Variants in LIPI observed in about 807,000 individuals in gnomAD.
The protein encoded by LIPI is lipase member I.
In LIPI, 59 loss-of-function variants were observed where a neutral mutation model predicts 50.6. The ratio of observed to expected loss-of-function variants is 1.16; its 90% CI spans 0.94 to 1.45. LIPI has a LOEUF of 1.45. Among genes scored for constraint, LIPI ranks in the 40% most tolerant of loss-of-function variants. LIPI has a pLI of 0.00. For missense variants in LIPI, 586 were observed against 536.3 expected, an observed-to-expected ratio of 1.09 and a Z score of -0.92; for synonymous variants, 203 against 178.2, an observed-to-expected ratio of 1.14 and a Z score of -1.11.
intron 9 of LIPI, 122 bp downstream of exon 9, chr21:14,144,500 AT>A: frequency 1.9e-6 from 1 of 534,494 alleles, no homozygotes; most frequent in Middle Eastern, 5.1e-4. Flanking sequence ...TTTATGTAAA[AT>A]ATAGTCTGAA....
At chr21:14,139,622 A>T (rs12483666) in intron 9 of LIPI, among the ~76,000 whole-genome samples, 49,637 of 151,998 alleles carry the variant, frequency 0.33, 8,215 homozygotes, top group East Asian at 0.42. Flanking sequence ...AGCAAACATA[A>T]GTACAGAGGA....
intron 9 of LIPI, among the ~76,000 whole-genome samples, chr21:14,119,580 GA>G (rs2016786594): frequency 6.6e-6 from 1 of 152,206 alleles, no homozygotes; most frequent in African/African-American, 2.4e-5. Flanking sequence ...ATGAGGCGAT[GA>G]AAGGGCAGGG....
chr21:14,120,642 A>T (rs899528303), intron 9 of LIPI, among the ~76,000 whole-genome samples: 1 of 152,202 alleles, frequency 6.6e-6, no homozygotes, highest in African/African-American at 2.4e-5. Flanking sequence ...GACTTATGTT[A>T]TGCCCTCATT....
chr21:14,179,156 A>G (rs531765165), intron 4 of LIPI, among the ~76,000 whole-genome samples: 21 of 152,098 alleles, frequency 1.4e-4, no homozygotes, highest in Non-Finnish European at 3.1e-4. Flanking sequence ...GCAAAAATGT[A>G]TGCCCTAATT....
intron 9 of LIPI, among the ~76,000 whole-genome samples, chr21:14,126,625 AT>A (rs1406635595): frequency 1.1e-4 from 17 of 152,274 alleles, no homozygotes; most frequent in Non-Finnish European, 2.1e-4. Context: ...TTTATATATC[AT>A]TTATATTGTA....
intron 9 of LIPI, among the ~76,000 whole-genome samples, chr21:14,140,032 G>A (rs1325004935): frequency 6.6e-6 from 1 of 152,096 alleles, no homozygotes; most frequent in African/African-American, 2.4e-5. Context: ...GAAGTGTGAA[G>A]GCAAGACTTT....
Position 14,156,116 on chromosome 21 carries a change from G to T in LIPI, c.1007-3432C>A, listed in dbSNP as rs1017176194. Among the ~76,000 whole-genome samples, 4 of 152,082 alleles carry T rather than the reference G, an allele frequency of 2.6e-5. No homozygotes were observed. The East Asian group carries it at 7.7e-4, about 29-fold the overall frequency. On this transcript the variant is annotated intron_variant, in intron 7 of 9. Coordinates refer to ENST00000681601, the MANE Select transcript of LIPI (RefSeq NM_001302998.2). ...CAGTGATGAATAATGTATGCATATT[G>T]TAATTGTTGTAGGCCTCCCCAAATA...
intron 1 of LIPI, among the ~76,000 whole-genome samples, chr21:14,193,936 C>G (rs1242241291): frequency 6.6e-6 from 1 of 152,146 alleles, no homozygotes; most frequent in East Asian, 1.9e-4. Flanking sequence ...ACTTCTATCA[C>G]TCAACAACAA....
In LIPI at chr21:14,189,275, T is replaced by C; in HGVS notation, c.191A>G (p.Asn64Ser). ...NCAEPLFEQN[N>S]SLNVNFNTQK... The stretch of plus-strand genomic sequence containing the variant: ...TGTGTTGAAATTAACATTAAGTGAG[T>C]TATTTTGTTCAAACAGTGGCTCAGC... Residue 64 changes from asparagine (N) to serine (S), a missense_variant, in exon 2 of 10, where the codon AAC becomes AGC. Transcript: ENST00000681601. The C allele has an allele frequency of 6.2e-7, 1 of 1,614,044 alleles. No individual in the cohort carries two copies. Among genetic ancestry groups the C allele is most frequent in the East Asian group, 2.2e-5 (1 of 44,862 alleles).
At chr21:14,195,931 TA>T (rs1049312480) in intron 1 of LIPI, among the ~76,000 whole-genome samples, 9 of 152,090 alleles carry the variant, frequency 5.9e-5, no homozygotes, top group African/African-American at 2.2e-4. Flanking sequence ...TGGCTAACAT[TA>T]AAAACTGACA....
chr21:14,182,145 T>A (rs967413762), intron 3 of LIPI, among the ~76,000 whole-genome samples: 1 of 152,124 alleles, frequency 6.6e-6, no homozygotes, highest in African/African-American at 2.4e-5. Context: ...AATAAAGTAG[T>A]TTATATTTAA....
chr21:14,170,630 C>T (rs577127507), intron 4 of LIPI, among the ~76,000 whole-genome samples: 2,318 of 152,188 alleles, frequency 0.015, 68 homozygotes, highest in African/African-American at 0.052. Context: ...ATTATCTCAA[C>T]AGATGCAGAA....
At chr21:14,163,638 G>T in intron 6 of LIPI, 115 bp from the exon 7 acceptor site, 1 of 658,968 alleles carries the variant, frequency 1.5e-6, no homozygotes, top group South Asian at 1.7e-5. Flanking sequence ...GATCATCATG[G>T]ATTTTGATAA....
chr21:14,165,014 A>G (rs191371968), intron 6 of LIPI, among the ~76,000 whole-genome samples: 1 of 152,292 alleles, frequency 6.6e-6, no homozygotes, highest in Non-Finnish European at 1.5e-5. Flanking sequence ...AAGGCAGTTG[A>G]TCATGTTCTT....
chr21:14,129,538 C>A (rs760056384), intron 9 of LIPI, among the ~76,000 whole-genome samples: 178 of 151,792 alleles, frequency 1.2e-3, no homozygotes, highest in Admixed American at 2.0e-3. Flanking sequence ...AGAATTATGT[C>A]ATAACAACTT....
intron 1 of LIPI, among the ~76,000 whole-genome samples, chr21:14,196,442 A>T (rs1160523724): frequency 1.3e-5 from 2 of 152,180 alleles, no homozygotes; most frequent in Non-Finnish European, 2.9e-5. Flanking sequence ...CAAAAAGCTA[A>T]CTAACTTTTA....
At chr21:14,133,622 C>T (rs538536758) in intron 9 of LIPI, among the ~76,000 whole-genome samples, 4 of 152,004 alleles carry the variant, frequency 2.6e-5, no homozygotes, top group Non-Finnish European at 5.9e-5. Context: ...AAGTTCTCAC[C>T]CCAGATAAAT....
intron 7 of LIPI, among the ~76,000 whole-genome samples, chr21:14,154,314 A>G (rs1048950263): frequency 2.0e-5 from 3 of 152,112 alleles, no homozygotes; most frequent in Non-Finnish European, 4.4e-5. Context: ...AACTTTCAAT[A>G]TAGAATTCTG....
intron 9 of LIPI, among the ~76,000 whole-genome samples, chr21:14,126,672 G>C (rs2017080028): frequency 6.6e-6 from 1 of 152,176 alleles, no homozygotes; most frequent in Non-Finnish European, 1.5e-5. Context: ...TAAGGTTTAA[G>C]AGAGGATATG....
Sources: allele counts gnomAD v4.1 joint callset (sites outside exome capture counted in the v4.1 genomes callset), GRCh38; gene constraint gnomAD v4.1.1; transcripts MANE v1.5; gene names NCBI Gene and HGNC (gene_info 2026-07-23, HGNC 2026-07-21).